The following OXNAD1 variants were observed in gnomAD, a reference collection of about 807,000 sequenced individuals.
OXNAD1 encodes the protein oxidoreductase NAD binding domain containing 1.
OXNAD1 carries 34 observed loss-of-function variants against 32.9 expected under a neutral mutation model. The ratio of observed to expected loss-of-function variants is 1.03; its 90% CI spans 0.79 to 1.38. OXNAD1 has a LOEUF of 1.38. OXNAD1 is among the 40% of genes most tolerant of loss of function. The pLI is 0.00. For synonymous variants in OXNAD1, 134 were observed against 135.2 expected (o/e 0.99, Z 0.06); for missense variants, 407 against 379.4 (o/e 1.07, Z -0.60).
chr3:16,332,017 A>G (rs1006562272), intron 9 of OXNAD1, among the ~76,000 whole-genome samples: 1 of 152,100 alleles, frequency 6.6e-6, no homozygotes, highest in Non-Finnish European at 1.5e-5. Context: ...AACCTGTTGT[A>G]TTGCTTTGAA....
chr3:16,335,803 G>T lies in OXNAD1; in HGVS notation c.*31-1309G>T, dbSNP rs774740264. Among the ~76,000 whole-genome samples, 13 of 149,604 alleles carry T rather than the reference G, an allele frequency of 8.7e-5. No homozygotes were observed. The highest frequency in any genetic ancestry group is 1.6e-4 in the Non-Finnish European group (11 of 67,512). Reference sequence around the variant, plus strand: ...AAAAAAAAAAAAAAAAAAGGAGTTTGATCACACCATCAAATATCTCAAGAG... The same window carrying T: ...AAAAAAAAAAAAAAAAAAGGAGTTTTATCACACCATCAAATATCTCAAGAG... On this transcript the variant is annotated intron_variant, in intron 9 of 9. Transcript: ENST00000435829. This position sits in a 1 kb window ranked among gnomAD's most constrained non-coding sequence, Gnocchi z 4.7.
In OXNAD1 at chr3:16,271,282, C is replaced by T. The variant is rs751068000; in HGVS notation, c.119+211C>T. On this transcript the variant is annotated intron_variant, in intron 3 of 8. Transcript: ENST00000285083. This position sits in a 1 kb window ranked among gnomAD's most constrained non-coding sequence, Gnocchi z 4.6. ...GCAGTGGCACGATCTTAGCTCACTGCAACCTCCACCTCCTGGATTCAAGTG... is the reference window on the plus strand; with the variant it reads ...GCAGTGGCACGATCTTAGCTCACTGTAACCTCCACCTCCTGGATTCAAGTG... 2.2e-5 allele frequency: 13 copies of T among 587,928 alleles called. No homozygotes were observed. Among genetic ancestry groups the T allele is most frequent in the Non-Finnish European group, 3.8e-5 (13 of 339,810 alleles). The allele number at this position is 587,928 out of a possible 1,614,324, so 36.4% of individuals were successfully genotyped here.
Position 16,269,202 on chromosome 3 carries a change from T to C in OXNAD1, c.-82T>C, listed in dbSNP as rs573984854. ...TGTACATCCAAAAGTCTCAGTGTAA[T>C]AGCAGGACCAAAATATTCTGTCAAT... On this transcript the variant is annotated 5_prime_UTR_variant, in exon 2 of 9. Transcript: ENST00000285083. 7 of 1,533,676 alleles carry C rather than the reference T, an allele frequency of 4.6e-6. No homozygotes were observed. In the African/African-American group the frequency reaches 9.6e-5, roughly 21 times the overall value.
Position 16,295,002 on chromosome 3 carries a change from G to A in OXNAD1, c.432+5G>A, listed in dbSNP as rs1575124883. On this transcript the variant is annotated splice_donor_5th_base_variant and intron_variant, in intron 6 of 8. Transcript: ENST00000285083. ...GCCCTCTGGGTTCACAATACGGTAAGCACACTGCCTGTTTAAACGCGATGA... is the reference window on the plus strand; with the variant it reads ...GCCCTCTGGGTTCACAATACGGTAAACACACTGCCTGTTTAAACGCGATGA... The A allele has an allele frequency of 1.9e-6, 3 of 1,603,810 alleles. No individual in the cohort carries two copies. The highest frequency in any genetic ancestry group is 1.7e-6 in the Non-Finnish European group (2 of 1,175,788).
Position 16,346,400 on chromosome 3 carries a change from G to A in OXNAD1, c.*31-2776G>A, listed in dbSNP as rs996156739. On this transcript the variant is annotated intron_variant, in intron 9 of 9. Coordinates refer to the OXNAD1 transcript ENST00000606098. The surrounding 1 kb of genome is among the most constrained non-coding windows in gnomAD (Gnocchi z 4.4). The stretch of plus-strand genomic sequence containing the variant: ...AGAAAATAGGACAATTGAGTTTATG[G>A]AAGAAAAAAGTGCAGATAAAGATTA... The A allele has an allele frequency of 2.0e-5, 3 of 152,130 alleles. No homozygotes were observed. The highest frequency in any genetic ancestry group is 7.2e-5 in the African/African-American group (3 of 41,434). 9.4% of individuals were successfully genotyped at this position (152,130 alleles called of 1,614,324 possible). A position where few individuals can be genotyped will look rare whatever the true frequency, so the allele number is the denominator to read the frequency against.
At position 16,316,998 on chromosome 3, in the gene OXNAD1, CA is replaced by C; in HGVS notation, c.*30+13407del. 2 of 1,614,040 alleles carry C rather than the reference CA, an allele frequency of 1.2e-6. No homozygotes were observed. The highest frequency in any genetic ancestry group is 1.7e-6 in the Non-Finnish European group (2 of 1,180,006). On this transcript the variant is annotated intron_variant, in intron 9 of 9. Transcript: ENST00000435829. This position sits in a 1 kb window ranked among gnomAD's most constrained non-coding sequence, Gnocchi z 4.5. ...ACACCCACCCCACACAGCAGGCCAC[CA>C]GGGGACAGCTGTTCTCCCTTGTCCT...
chr3:16,331,773 T>G (rs2070338667), intron 9 of OXNAD1, among the ~76,000 whole-genome samples: 1 of 152,202 alleles, frequency 6.6e-6, no homozygotes, highest in Non-Finnish European at 1.5e-5. Context: ...TTTTTTGGTT[T>G]CCTTCTCATT....
intron 9 of OXNAD1, among the ~76,000 whole-genome samples, chr3:16,347,016 G>A (rs1006669213): frequency 3.9e-5 from 6 of 152,146 alleles, no homozygotes; most frequent in Admixed American, 2.0e-4. Flanking sequence ...TGCTATGAAC[G>A]GTGGAAAGCA....
Position 16,271,619 on chromosome 3 carries a change from A to G in OXNAD1, c.120-40A>G, listed in dbSNP as rs1359608497. On this transcript the variant is annotated intron_variant, in intron 3 of 8. Transcript: ENST00000285083. The surrounding 1 kb of genome is among the most constrained non-coding windows in gnomAD (Gnocchi z 4.6). The stretch of plus-strand genomic sequence containing the variant: ...AAAAACTAATTTTATTATTTTTATG[A>G]GGATAATATGTAATAACCTAATTTT... The G allele has an allele frequency of 4.9e-6, 7 of 1,423,464 alleles. No homozygotes were observed. The African/African-American group carries it at 5.9e-5, about 12-fold the overall frequency. 88.2% of individuals were successfully genotyped at this position (1,423,464 alleles called of 1,614,324 possible).
rs1335299388 is a variant in OXNAD1, at chr3:16,287,574, A to G, written c.290+1126A>G. The stretch of plus-strand genomic sequence containing the variant: ...TTGAAAAGTGGAAACTTTAATTGTA[A>G]TGATCTGTTTTCCATATTTCCTTTC... On this transcript the variant is annotated intron_variant, in intron 5 of 8. Coordinates refer to ENST00000285083, the MANE Select transcript of OXNAD1 (RefSeq NM_138381.5). The surrounding 1 kb of genome is among the most constrained non-coding windows in gnomAD (Gnocchi z 4.8). Among the ~76,000 whole-genome samples the G allele has an allele frequency of 6.6e-6, 1 of 152,214 alleles. No homozygotes were observed. Among genetic ancestry groups the G allele is most frequent in the Non-Finnish European group, 1.5e-5 (1 of 68,044 alleles).
At chr3:16,292,849 T>G (rs1466537148) in intron 5 of OXNAD1, among the ~76,000 whole-genome samples, 1 of 152,224 alleles carries the variant, frequency 6.6e-6, no homozygotes, top group Non-Finnish European at 1.5e-5. Flanking sequence ...AGGCTTTATT[T>G]CTGGACATTC....
At chr3:16,324,300 G>A (rs183520157) in intron 9 of OXNAD1, among the ~76,000 whole-genome samples, 2 of 152,224 alleles carry the variant, frequency 1.3e-5, no homozygotes, top group Non-Finnish European at 2.9e-5. Context: ...ACATTTAAAA[G>A]CTACTCTTTT....
chr3:16,267,239 C>G (rs995862777), intron 1 of OXNAD1, among the ~76,000 whole-genome samples: 3 of 152,148 alleles, frequency 2.0e-5, no homozygotes, highest in Admixed American at 6.5e-5. Flanking sequence ...TTATTATAAT[C>G]TTAGACCAGA....
chr3:16,274,410 A>T (rs1285273680), intron 4 of OXNAD1, among the ~76,000 whole-genome samples: 1 of 152,198 alleles, frequency 6.6e-6, no homozygotes, highest in African/African-American at 2.4e-5. Flanking sequence ...GTTTGGTTCC[A>T]CTGGAATAAA....
At chr3:16,333,500 T>G (rs1321570943) in intron 9 of OXNAD1, among the ~76,000 whole-genome samples, 2 of 152,236 alleles carry the variant, frequency 1.3e-5, no homozygotes, top group African/African-American at 2.4e-5. Context: ...TCCTTTAGTT[T>G]CATTTCATGA....
At chr3:16,347,068 C>G (rs1443725298) in intron 9 of OXNAD1, among the ~76,000 whole-genome samples, 1 of 152,200 alleles carries the variant, frequency 6.6e-6, no homozygotes, top group Non-Finnish European at 1.5e-5. Flanking sequence ...TTCTATTTCC[C>G]TGGGCTTCTG....
chr3:16,269,868 A>G (rs945684877), intron 2 of OXNAD1, among the ~76,000 whole-genome samples: 2 of 152,254 alleles, frequency 1.3e-5, no homozygotes, highest in East Asian at 1.9e-4. Flanking sequence ...GGTAACTAAG[A>G]TGGACAAATA....
At chr3:16,283,006 G>A (rs1260528155) in intron 4 of OXNAD1, among the ~76,000 whole-genome samples, 3 of 151,984 alleles carry the variant, frequency 2.0e-5, no homozygotes. Flanking sequence ...AGCTTAGGGT[G>A]ATGGCAAGTA....
In OXNAD1 at chr3:16,271,818, T is replaced by C. The variant is rs1046476841; in HGVS notation, c.183+96T>C. 9.3e-5 allele frequency: 95 copies of C among 1,021,870 alleles called. No homozygotes were observed. Among genetic ancestry groups the C allele is most frequent in the Middle Eastern group, 2.1e-4 (1 of 4,682 alleles). 63.3% of individuals were successfully genotyped at this position (1,021,870 alleles called of 1,614,324 possible). On this transcript the variant is annotated intron_variant, in intron 4 of 8. Transcript: ENST00000285083. This position sits in a 1 kb window ranked among gnomAD's most constrained non-coding sequence, Gnocchi z 4.6. ...GTAAAGCATTAGATGAGTCTGGTCC[T>C]TTTGAAGGAGAGTTGGGAAGTTTGT...
Sources: gnomAD v4.1 joint callset for allele counts (sites outside exome capture counted in the v4.1 genomes callset) on GRCh38, gnomAD v4.1.1 for gene constraint, Gnocchi (gnomAD v3.1) non-coding constraint, MANE v1.5 for transcripts, NCBI Gene and HGNC (gene_info 2026-07-23, HGNC 2026-07-21) for gene names.